The following MRPL14 variants were observed in gnomAD, a reference collection of about 807,000 sequenced individuals.
MRPL14 encodes mitochondrial ribosomal protein L14, also known as large ribosomal subunit protein uL14m.
A neutral mutation model predicts 10.9 loss-of-function variants in MRPL14; 8 were observed. The observed-to-expected ratio is 0.74, with a 90% CI of 0.43 to 1.33. The LOEUF is 1.33. MRPL14 is among the 40% of genes most tolerant of loss of function. MRPL14 has a pLI of 0.01. For synonymous variants in MRPL14, 82 were observed against 74.1 expected, an observed-to-expected ratio of 1.11 and a Z score of -0.54; for missense variants, 179 against 194.5, an observed-to-expected ratio of 0.92 and a Z score of 0.47.
rs1296063928 is a variant in MRPL14, at chr6:44,127,423, C to G, written c.-98G>C. ...TTCGCCCCACGCGGCCTCTTCCTAGCGCCTGCGCGCCAGGCCCAGCCCGGC... is the reference window on the plus strand; with the variant it reads ...TTCGCCCCACGCGGCCTCTTCCTAGGGCCTGCGCGCCAGGCCCAGCCCGGC... On this transcript the variant is annotated 5_prime_UTR_variant, in exon 1 of 3. Transcript: ENST00000372014. The G allele has an allele frequency of 6.6e-6, 1 of 152,276 alleles. No individual in the cohort carries two copies. Among genetic ancestry groups the G allele is most frequent in the African/African-American group, 2.4e-5 (1 of 41,428 alleles). 9.4% of individuals were successfully genotyped at this position (152,276 alleles called of 1,614,324 possible).
intron 1 of MRPL14, among the ~76,000 whole-genome samples, chr6:44,121,147 T>C (rs1016530103): frequency 2.0e-5 from 3 of 152,060 alleles, no homozygotes; most frequent in Non-Finnish European, 4.4e-5. Flanking sequence ...CAATGGTTGT[T>C]TTACAAGCAA....
intron 1 of MRPL14, among the ~76,000 whole-genome samples, chr6:44,117,840 G>GGTTTTTTTT (rs1250385139): frequency 1.3e-5 from 1 of 75,346 alleles, no homozygotes; most frequent in African/African-American, 5.3e-5. Context: ...AATTTTTTGT[G>GGTTTTTTTT]TTTTTTTTTT....
chr6:44,119,101 C>G (rs1403879844), intron 1 of MRPL14, among the ~76,000 whole-genome samples: 1 of 152,218 alleles, frequency 6.6e-6, no homozygotes, highest in Non-Finnish European at 1.5e-5. Context: ...CTAGGAATGA[C>G]TAGGCTGAAA....
intron 1 of MRPL14, among the ~76,000 whole-genome samples, chr6:44,121,594 C>T (rs182314268): frequency 1.6e-4 from 24 of 152,340 alleles, no homozygotes; most frequent in Non-Finnish European, 3.2e-4. Flanking sequence ...ACTCAGTGCC[C>T]AGAACTGTGC....
chr6:44,113,644 C>T lies in MRPL14; in HGVS notation c.*199G>A. 1.8e-6 allele frequency: 1 copy of T among 557,750 alleles called. No individual in the cohort carries two copies. Among genetic ancestry groups the T allele is most frequent in the Non-Finnish European group, 2.9e-6 (1 of 349,500 alleles). 34.6% of individuals were successfully genotyped at this position (557,750 alleles called of 1,614,324 possible). ...ACTCGGGTAAGCCACCTTTCAACTG[C>T]TTCAGTGTAATTTATTTTCCCACAT... On this transcript the variant is annotated 3_prime_UTR_variant, in exon 3 of 3. Coordinates refer to ENST00000372014, the MANE Select transcript of MRPL14 (RefSeq NM_032111.4).
chr6:44,120,602 T>C (rs555377338), intron 1 of MRPL14, among the ~76,000 whole-genome samples: 1 of 152,252 alleles, frequency 6.6e-6, no homozygotes, highest in African/African-American at 2.4e-5. Context: ...CCTATGAACT[T>C]GAAAGCACAA....
intron 1 of MRPL14, among the ~76,000 whole-genome samples, chr6:44,118,069 G>A (rs1776041260): frequency 1.3e-5 from 2 of 151,986 alleles, no homozygotes; most frequent in Admixed American, 1.3e-4. Flanking sequence ...AACCCATGAA[G>A]CATCAGCCAA....
intron 1 of MRPL14, among the ~76,000 whole-genome samples, chr6:44,120,497 T>C (rs1776291631): frequency 6.6e-6 from 1 of 152,212 alleles, no homozygotes; most frequent in South Asian, 2.1e-4. Context: ...ACTTCCCAAT[T>C]CAGTGACTTT....
chr6:44,125,455 A>G (rs1186761593), intron 1 of MRPL14, among the ~76,000 whole-genome samples: 1 of 152,152 alleles, frequency 6.6e-6, no homozygotes, highest in African/African-American at 2.4e-5. Context: ...CAGGGGCTGG[A>G]GACCAGCCTG....
chr6:44,121,988 G>C (rs572832498), intron 1 of MRPL14, among the ~76,000 whole-genome samples: 7 of 151,126 alleles, frequency 4.6e-5, no homozygotes, highest in Non-Finnish European at 1.0e-4. Context: ...GCTCCAGAGA[G>C]GCTCCATTTC....
chr6:44,115,024 T>G (rs1015993977), intron 2 of MRPL14, among the ~76,000 whole-genome samples: 1 of 152,198 alleles, frequency 6.6e-6, no homozygotes, highest in African/African-American at 2.4e-5. Context: ...AACAATCTTC[T>G]GTTTTAATAC....
At chr6:44,116,520 G>C (rs1284530593) in intron 2 of MRPL14, 21 bp downstream of exon 2, 3 of 1,612,980 alleles carry the variant, frequency 1.9e-6, no homozygotes, top group South Asian at 2.2e-5. Flanking sequence ...ACAGTTTTAA[G>C]AACTTAATGG....
chr6:44,121,759 G>C (rs538602248), intron 1 of MRPL14, among the ~76,000 whole-genome samples: 1 of 152,316 alleles, frequency 6.6e-6, no homozygotes, highest in Non-Finnish European at 1.5e-5. Flanking sequence ...GACCAACATA[G>C]TGAAACCCCG....
At chr6:44,117,815 C>T (rs1775996039) in intron 1 of MRPL14, among the ~76,000 whole-genome samples, 1 of 151,018 alleles carries the variant, frequency 6.6e-6, no homozygotes, top group Non-Finnish European at 1.5e-5. Flanking sequence ...CAGACATGCA[C>T]CAGGACGCCT....
intron 2 of MRPL14, among the ~76,000 whole-genome samples, chr6:44,114,444 T>G (rs974648364): frequency 6.6e-6 from 1 of 152,074 alleles, no homozygotes; most frequent in Admixed American, 6.6e-5. Context: ...TTTGGATGGG[T>G]TTTAAAGAGA....
intron 2 of MRPL14, among the ~76,000 whole-genome samples, chr6:44,114,640 G>A (rs1478822469): frequency 2.6e-5 from 4 of 151,980 alleles, no homozygotes; most frequent in East Asian, 3.9e-4. Flanking sequence ...ACGGAGTCTC[G>A]CTCTGTCGCC....
chr6:44,122,587 T>C (rs762368392), intron 1 of MRPL14, among the ~76,000 whole-genome samples: 2 of 152,230 alleles, frequency 1.3e-5, no homozygotes, highest in Non-Finnish European at 2.9e-5. Context: ...GGTTACATTT[T>C]AAAGACCTTT....
At chr6:44,114,230 A>C in intron 2 of MRPL14, 21 bp from the exon 3 acceptor site, 1 of 1,593,570 alleles carries the variant, frequency 6.3e-7, no homozygotes, top group Non-Finnish European at 8.6e-7. Context: ...GAAAAAAAAA[A>C]GTCTGCAGTC....
chr6:44,116,264 T>C (rs911555324), intron 2 of MRPL14, among the ~76,000 whole-genome samples: 1 of 152,242 alleles, frequency 6.6e-6, no homozygotes. Context: ...GGTTGAGAGA[T>C]GTCAGATTCA....
Sources: gnomAD v4.1 joint callset for allele counts (sites outside exome capture counted in the v4.1 genomes callset) on GRCh38, gnomAD v4.1.1 for gene constraint, MANE v1.5 for transcripts, NCBI Gene and HGNC (gene_info 2026-07-23, HGNC 2026-07-21) for gene names.